The following FANCC variants were observed in gnomAD, a reference collection of about 807,000 sequenced individuals.
FANCC encodes FA complementation group C, also known as Fanconi anemia group C protein.
Under a neutral mutation model 71.3 loss-of-function variants are expected in FANCC, and 55 were observed. The ratio of observed to expected loss-of-function variants is 0.77; its 90% confidence interval spans 0.62 to 0.97. The LOEUF (loss-of-function observed/expected upper bound fraction) is 0.97, where lower values mean the gene tolerates loss of function less well. FANCC is among the 50% of genes least tolerant of loss of function. FANCC has a pLI of 0.00. For missense variants in FANCC, 678 were observed against 670.9 expected, an observed-to-expected ratio of 1.01 and a Z score of -0.12; for synonymous variants, 275 against 244.9, an observed-to-expected ratio of 1.12 and a Z score of -1.15.
intron 1 of FANCC, chr9:95,293,773 C>T (rs1834204832): frequency 7.4e-6 from 12 of 1,613,928 alleles, no homozygotes; most frequent in Non-Finnish European, 1.0e-5. Context: ...CAGACTGATG[C>T]ATTTATGGAC....
Position 95,107,170 on chromosome 9 carries a change from T to A in FANCC, c.1429A>T (p.Thr477Ser). ...LQTVAGQGTD[T>S]DLRAPAQQLI... ...TGTTGTGCAGGAGCTCTGAGGTCTG[T>A]GTCTGTGCCCTGTCCTGCTACCGTC... The change falls in exon 14 of 15, where the codon ACA (threonine) becomes TCA (serine). Residue 477 changes from threonine (T) to serine (S), a missense_variant. Coordinates refer to ENST00000289081, the MANE Select transcript of FANCC (RefSeq NM_000136.3). 1 of 1,614,196 alleles carries A rather than the reference T, an allele frequency of 6.2e-7. No individual in the cohort carries two copies. The highest frequency in any genetic ancestry group is 1.3e-5 in the African/African-American group (1 of 75,058).
chr9:95,211,966 G>A (rs1828530892), intron 4 of FANCC, among the ~76,000 whole-genome samples: 2 of 151,518 alleles, frequency 1.3e-5, no homozygotes, highest in African/African-American at 4.8e-5. Context: ...AATACTTCAG[G>A]AGAAAGACTT....
chr9:95,190,694 A>G (rs1183162682), intron 4 of FANCC, among the ~76,000 whole-genome samples: 1 of 152,206 alleles, frequency 6.6e-6, no homozygotes, highest in African/African-American at 2.4e-5. Context: ...GTGAGACCAG[A>G]GCAGGTCAGC....
intron 4 of FANCC, among the ~76,000 whole-genome samples, chr9:95,172,370 GAAAC>G (rs1825744118): frequency 6.6e-6 from 1 of 152,076 alleles, no homozygotes; most frequent in South Asian, 2.1e-4. Flanking sequence ...CATTAGCAGT[GAAAC>G]AAAAATATAT....
chr9:95,294,455 C>T lies in FANCC; in HGVS notation c.-79+23071G>A, dbSNP rs1344324798. The T allele has an allele frequency of 1.1e-4, 173 of 1,602,278 alleles. No individual in the cohort carries two copies. In the South Asian group the frequency reaches 1.8e-3, roughly 17 times the overall value. On this transcript the variant is annotated intron_variant, in intron 1 of 14. Transcript: ENST00000289081. ...GAGATGTTTGACAGACAAACACAGA[C>T]AGACTTAAACTTTTTCTTAGACAGT...
Position 95,099,772 on chromosome 9 carries a change from C to G in FANCC, c.*1935G>C, listed in dbSNP as rs969737264. On this transcript the variant is annotated 3_prime_UTR_variant, in exon 15 of 15. Transcript: ENST00000289081. ...CCGCACCCGTGAGAGGACTCGGCAG[C>G]TGTGAAGGAACTGGGAGATTCTGCA... 2.6e-5 allele frequency: 6 copies of G among 232,316 alleles called. No homozygotes were observed. Among genetic ancestry groups the G allele is most frequent in the African/African-American group, 1.3e-4 (6 of 45,296 alleles). The allele number at this position is 232,316 out of a possible 1,614,324, so 14.4% of individuals were successfully genotyped here.
At chr9:95,152,432 G>A (rs1830228548) in intron 6 of FANCC, among the ~76,000 whole-genome samples, 2 of 152,198 alleles carry the variant, frequency 1.3e-5, no homozygotes, top group Non-Finnish European at 2.9e-5. Context: ...AGAAAACATT[G>A]CAGACAGATG....
intron 13 of FANCC, chr9:95,110,970 G>A (rs2071867570): frequency 1.4e-6 from 2 of 1,409,154 alleles, no homozygotes; most frequent in Non-Finnish European, 1.8e-6. Context: ...GATTACTTTA[G>A]TAAGAGATGT....
chr9:95,229,673 G>GAGA (rs1335991253), intron 4 of FANCC, among the ~76,000 whole-genome samples: 1 of 152,124 alleles, frequency 6.6e-6, no homozygotes, highest in Non-Finnish European at 1.5e-5. Flanking sequence ...CACCCAAGTG[G>GAGA]AGATGTCACA....
chr9:95,310,583 T>G (rs1278500198), intron 1 of FANCC, among the ~76,000 whole-genome samples: 1 of 152,156 alleles, frequency 6.6e-6, no homozygotes, highest in Non-Finnish European at 1.5e-5. Context: ...AGACCTCAGA[T>G]GTATTCAGAC....
chr9:95,117,400 G>C lies in FANCC; in HGVS notation c.997-10C>G. The C allele has an allele frequency of 1.9e-6, 3 of 1,612,284 alleles. No individual in the cohort carries two copies. Among genetic ancestry groups the C allele is most frequent in the Non-Finnish European group, 2.5e-6 (3 of 1,178,860 alleles). ...TGAGTGCAAACCGCAGCTGCCACAG[G>C]ATGGAAAATCCAAAGAGCATGAACA... On this transcript the variant is annotated splice_polypyrimidine_tract_variant and intron_variant, in intron 10 of 14. Transcript: ENST00000289081.
intron 1 of FANCC, among the ~76,000 whole-genome samples, chr9:95,272,193 C>T (rs1424803035): frequency 6.6e-6 from 1 of 151,784 alleles, no homozygotes; most frequent in Non-Finnish European, 1.5e-5. Context: ...CTGCCTTGGC[C>T]TCCCAAAGTT....
intron 1 of FANCC, chr9:95,316,861 A>G (rs4647355): frequency 0.042 from 6,432 of 152,356 alleles, 290 homozygotes; most frequent in East Asian, 0.11. Context: ...CTTTGAAGAT[A>G]TGGCCTGGCG....
At chr9:95,316,054 C>A (rs1027077396) in intron 1 of FANCC, among the ~76,000 whole-genome samples, 7 of 152,180 alleles carry the variant, frequency 4.6e-5, no homozygotes, top group African/African-American at 1.7e-4. Context: ...TTTTCTGATG[C>A]CTTGGTAAAC....
At chr9:95,126,324 T>C (rs1347357501) in intron 9 of FANCC, among the ~76,000 whole-genome samples, 1 of 152,234 alleles carries the variant, frequency 6.6e-6, no homozygotes, top group East Asian at 1.9e-4. Flanking sequence ...TAAAGTTATC[T>C]TAATTCTTAG....
intron 1 of FANCC, among the ~76,000 whole-genome samples, chr9:95,252,291 AAAAGAAAAAAAAAAG>A (rs1481744250): frequency 6.7e-6 from 1 of 149,580 alleles, no homozygotes; most frequent in Non-Finnish European, 1.5e-5. Flanking sequence ...AAAAAAAAAA[AAAAGAAAAAAAAAAG>A]AAACAAAGAA....
intron 1 of FANCC, chr9:95,294,457 G>A (rs1323409647): frequency 1.2e-6 from 2 of 1,602,566 alleles, no homozygotes; most frequent in Non-Finnish European, 1.7e-6. Flanking sequence ...AACACAGACA[G>A]ACTTAAACTT....
At chr9:95,232,406 T>C (rs902852414) in intron 4 of FANCC, among the ~76,000 whole-genome samples, 1 of 152,218 alleles carries the variant, frequency 6.6e-6, no homozygotes, top group Non-Finnish European at 1.5e-5. Context: ...TAAAATTAAC[T>C]GAGGCTGGGA....
intron 4 of FANCC, among the ~76,000 whole-genome samples, chr9:95,180,703 C>T (rs1397449836): frequency 1.3e-5 from 2 of 151,436 alleles, no homozygotes; most frequent in African/African-American, 2.4e-5. Context: ...ATGTTAAGTA[C>T]ATAAACCAAT....
Sources: gnomAD v4.1 joint callset for allele counts (sites outside exome capture counted in the v4.1 genomes callset) on GRCh38, gnomAD v4.1.1 for gene constraint, MANE v1.5 for transcripts, NCBI Gene and HGNC (gene_info 2026-07-23, HGNC 2026-07-21) for gene names.